The following ZNF251 variants were observed in gnomAD, a reference collection of about 807,000 sequenced individuals.
The protein encoded by ZNF251 is zinc finger protein 251.
Under a neutral mutation model 13.5 loss-of-function variants are expected in ZNF251, and 14 were observed. The observed-to-expected ratio is 1.04, with a 90% CI of 0.69 to 1.63. The LOEUF is 1.63. Among genes scored for constraint, ZNF251 ranks in the 40% most tolerant of loss-of-function variants. The probability of loss-of-function intolerance (pLI) is 0.00; values close to 1 mark genes in which losing one functional copy is unlikely to be tolerated. For synonymous variants in ZNF251, 287 were observed against 295.2 expected, an observed-to-expected ratio of 0.97 and a Z score of 0.28; for missense variants, 764 against 834.9, an observed-to-expected ratio of 0.92 and a Z score of 1.05.
chr8:144,754,669 G>A (rs1441621130), intron 2 of ZNF251, 27 bp downstream of exon 2: 2 of 1,596,086 alleles, frequency 1.3e-6, no homozygotes, highest in Non-Finnish European at 1.7e-6. Flanking sequence ...AAGATGAAGA[G>A]GTGGGCAGGA....
chr8:144,731,124 C>T (rs1428375544), intron 4 of ZNF251, among the ~76,000 whole-genome samples: 1 of 152,216 alleles, frequency 6.6e-6, no homozygotes, highest in African/African-American at 2.4e-5. Context: ...CTGACGTCAT[C>T]CACGGGATGC....
At chr8:144,737,680 A>T (rs972520159) in intron 4 of ZNF251, among the ~76,000 whole-genome samples, 3 of 149,492 alleles carry the variant, frequency 2.0e-5, no homozygotes, top group African/African-American at 7.4e-5. Flanking sequence ...AAAATAGAAG[A>T]AATTAGCCAG....
chr8:144,737,679 G>T (rs961382601), intron 4 of ZNF251, among the ~76,000 whole-genome samples: 3 of 150,124 alleles, frequency 2.0e-5, no homozygotes, highest in African/African-American at 7.4e-5. Context: ...AAAAATAGAA[G>T]AAATTAGCCA....
chr8:144,732,558 A>G (rs749947960), intron 4 of ZNF251, among the ~76,000 whole-genome samples: 81 of 152,242 alleles, frequency 5.3e-4, no homozygotes, highest in Non-Finnish European at 9.1e-4. Flanking sequence ...CACGCCTGTA[A>G]TCCCAGCACT....
chr8:144,741,557 C>A (rs1454191128), intron 4 of ZNF251, among the ~76,000 whole-genome samples: 2 of 152,124 alleles, frequency 1.3e-5, no homozygotes, highest in African/African-American at 4.8e-5. Flanking sequence ...GATGTTGAAA[C>A]TAACAGACAA....
chr8:144,755,125 T>G (rs1824897662), intron 1 of ZNF251: 2 of 1,214,188 alleles, frequency 1.6e-6, no homozygotes, highest in Middle Eastern at 3.5e-4. Flanking sequence ...CACGTGAGGG[T>G]GCAGCCTCAC....
chr8:144,737,968 A>G (rs1049721205), intron 4 of ZNF251, among the ~76,000 whole-genome samples: 3 of 152,100 alleles, frequency 2.0e-5, no homozygotes, highest in African/African-American at 7.2e-5. Flanking sequence ...CGTTAAACAT[A>G]AACTGCTGAC....
intron 4 of ZNF251, among the ~76,000 whole-genome samples, chr8:144,730,729 C>T (rs1823668749): frequency 6.6e-6 from 1 of 152,244 alleles, no homozygotes; most frequent in Non-Finnish European, 1.5e-5. Context: ...TAGGGCAGGA[C>T]AGGACGGAGC....
chr8:144,729,393 G>A (rs1219471459), intron 4 of ZNF251, among the ~76,000 whole-genome samples: 2 of 149,250 alleles, frequency 1.3e-5, no homozygotes, highest in Non-Finnish European at 3.0e-5. Flanking sequence ...CTGGAGTGCA[G>A]TGGCGCAATC....
intron 4 of ZNF251, among the ~76,000 whole-genome samples, chr8:144,752,526 G>A (rs989489066): frequency 3.9e-5 from 6 of 152,176 alleles, no homozygotes; most frequent in African/African-American, 1.4e-4. Context: ...AATTTTGTGA[G>A]ATGCAACTTA....
chr8:144,733,272 G>A (rs1823774975), intron 4 of ZNF251, among the ~76,000 whole-genome samples: 1 of 152,174 alleles, frequency 6.6e-6, no homozygotes, highest in African/African-American at 2.4e-5. Context: ...TGGGTGTGGT[G>A]GCTCACGCCT....
intron 4 of ZNF251, among the ~76,000 whole-genome samples, chr8:144,749,975 G>T: frequency 6.6e-6 from 1 of 150,500 alleles, no homozygotes; most frequent in Admixed American, 6.6e-5. Context: ...TACACTATGA[G>T]GAGTTGCAAA....
chr8:144,738,545 C>T (rs1009087640), intron 4 of ZNF251: 16 of 984,820 alleles, frequency 1.6e-5, no homozygotes, highest in Non-Finnish European at 1.9e-5. Flanking sequence ...TACTCATCCC[C>T]GGCCCCTTCC....
chr8:144,728,523 C>T (rs543515542), intron 4 of ZNF251, among the ~76,000 whole-genome samples: 30 of 151,632 alleles, frequency 2.0e-4, no homozygotes, highest in Middle Eastern at 3.4e-3. Context: ...ATTAGCCGGG[C>T]GTGGTGGTGG....
At chr8:144,732,947 CG>C (rs1281791744) in intron 4 of ZNF251, among the ~76,000 whole-genome samples, 1 of 151,836 alleles carries the variant, frequency 6.6e-6, no homozygotes, top group African/African-American at 2.4e-5. Context: ...AAAGGCCAGG[CG>C]GGGTGGCTCA....
At position 144,732,185 on chromosome 8, in the gene ZNF251, C is replaced by T. The variant is rs551001070; in HGVS notation, c.278-8803G>A. On this transcript the variant is annotated intron_variant, in intron 4 of 4. Transcript: ENST00000292562. Reference sequence around the variant, plus strand: ...GTCAAACTCCTGGCCTCAAGTGATCCGCCCACCTCAGCCTCCCAAAGTGTT... The same window carrying T: ...GTCAAACTCCTGGCCTCAAGTGATCTGCCCACCTCAGCCTCCCAAAGTGTT... 1.9e-4 allele frequency among the ~76,000 whole-genome samples: 29 copies of T among 152,212 alleles called. No individual in the cohort carries two copies. In the South Asian group the frequency reaches 4.1e-3, roughly 22 times the overall value.
intron 4 of ZNF251, among the ~76,000 whole-genome samples, chr8:144,728,157 T>G (rs984445389): frequency 6.6e-6 from 1 of 152,158 alleles, no homozygotes; most frequent in African/African-American, 2.4e-5. Context: ...GGGTTATTAA[T>G]TGGCCTAGTT....
intron 4 of ZNF251, among the ~76,000 whole-genome samples, chr8:144,732,481 G>C (rs1336560887): frequency 6.6e-6 from 1 of 152,182 alleles, no homozygotes; most frequent in Non-Finnish European, 1.5e-5. Flanking sequence ...ATGCACGATT[G>C]ACAGGTCATG....
intron 4 of ZNF251, among the ~76,000 whole-genome samples, chr8:144,728,210 G>C (rs986756980): frequency 1.3e-5 from 2 of 151,820 alleles, no homozygotes; most frequent in African/African-American, 2.4e-5. Context: ...CCCTAGGAGA[G>C]AGAGAGGGAG....
Sources: allele counts gnomAD v4.1 joint callset (sites outside exome capture counted in the v4.1 genomes callset), GRCh38; gene constraint gnomAD v4.1.1; transcripts MANE v1.5; gene names NCBI Gene and HGNC (gene_info 2026-07-23, HGNC 2026-07-21).